Variants in NAALADL2 observed in about 807,000 individuals in gnomAD.
NAALADL2 encodes inactive N-acetylated-alpha-linked acidic dipeptidase-like protein 2.
A neutral mutation model predicts 87.2 loss-of-function variants in NAALADL2; 76 were observed. That is an observed-to-expected ratio of 0.87 (90% CI 0.72 to 1.05). The LOEUF is 1.05. Ranked by LOEUF, NAALADL2 falls within the 50% of genes least tolerant of loss-of-function variation. The pLI, the probability that NAALADL2 is intolerant of heterozygous loss-of-function variation, is 0.00. For missense variants in NAALADL2, 1,089 were observed against 945.8 expected, an observed-to-expected ratio of 1.15 and a Z score of -1.99; for synonymous variants, 354 against 331.0, an observed-to-expected ratio of 1.07 and a Z score of -0.75.
rs568053635 is a variant in NAALADL2, at chr3:175,093,380, G to T, written c.44-3410G>T. On this transcript the variant is annotated intron_variant, in intron 1 of 13. Transcript: ENST00000454872. ...AATGTTACTAAAGTTTTATTTATTT[G>T]ATAGTTTCTTTTTTTGTTGAGTTCA... Among the ~76,000 whole-genome samples, 22 of 137,396 alleles carry T rather than the reference G, an allele frequency of 1.6e-4. No individual in the cohort carries two copies. The East Asian group carries it at 3.5e-3, about 22-fold the overall frequency. The allele number at this position is 137,396 out of a possible 152,430, so 90.1% of individuals were successfully genotyped here. A position where few individuals can be genotyped will look rare whatever the true frequency, so the allele number is the denominator to read the frequency against.
intron 9 of NAALADL2, among the ~76,000 whole-genome samples, chr3:175,487,822 T>C (rs945914075): frequency 6.6e-6 from 1 of 152,318 alleles, no homozygotes; most frequent in African/African-American, 2.4e-5. Context: ...CCAGATATGG[T>C]AAGTAACTTC....
rs768143803 is a variant in NAALADL2 at position 175,809,303 on chromosome 3, C to G, written c.*6100C>G. On this transcript the variant is annotated 3_prime_UTR_variant, in exon 14 of 14. Transcript: ENST00000454872. ...TGTTATAAACAATTCTATTTAGCATCTGAGATAGGTCTATATTAGGCAATT... is the reference window on the plus strand; with the variant it reads ...TGTTATAAACAATTCTATTTAGCATGTGAGATAGGTCTATATTAGGCAATT... 6.6e-6 allele frequency: 1 copy of G among 151,706 alleles called. No homozygotes were observed. Among genetic ancestry groups the G allele is most frequent in the Non-Finnish European group, 1.5e-5 (1 of 67,892 alleles). 9.4% of individuals were successfully genotyped at this position (151,706 alleles called of 1,614,324 possible).
At chr3:174,638,859 A>C (rs1178511398) in intron 2 of NAALADL2, among the ~76,000 whole-genome samples, 2 of 152,222 alleles carry the variant, frequency 1.3e-5, no homozygotes, top group Non-Finnish European at 2.9e-5. Context: ...CCATGTGTAA[A>C]GAACGTGTTT....
chr3:175,485,394 C>G (rs79656298), intron 9 of NAALADL2, among the ~76,000 whole-genome samples: 115 of 152,126 alleles, frequency 7.6e-4, no homozygotes, highest in Admixed American at 6.1e-3. Context: ...TTCACTCACA[C>G]GATCACAAGG....
At chr3:175,305,694 G>C (rs1023288480) in intron 4 of NAALADL2, among the ~76,000 whole-genome samples, 1 of 151,746 alleles carries the variant, frequency 6.6e-6, no homozygotes, top group South Asian at 2.1e-4. Context: ...GGCTAATTTT[G>C]TATTTTTAGT....
chr3:175,411,893 C>G (rs1713591440), intron 5 of NAALADL2, among the ~76,000 whole-genome samples: 1 of 152,024 alleles, frequency 6.6e-6, no homozygotes, highest in Non-Finnish European at 1.5e-5. Context: ...AGATTGCTTG[C>G]AAGATGCCAG....
Position 174,687,467 on chromosome 3 carries a change from C to T in NAALADL2, c.-114-50174C>T, listed in dbSNP as rs138049883. 1.9e-3 allele frequency among the ~76,000 whole-genome samples: 296 copies of T among 152,012 alleles called. 3 individuals carry two copies. Among genetic ancestry groups the T allele is most frequent in the African/African-American group, 6.6e-3 (274 of 41,480 alleles). ...TGGCCTATTGGATTTAGAGGTGATTCGCTTACAATATACTAGGGGATCCAA... is the reference window on the plus strand; with the variant it reads ...TGGCCTATTGGATTTAGAGGTGATTTGCTTACAATATACTAGGGGATCCAA... On this transcript the variant is annotated intron_variant, in intron 2 of 3. Coordinates refer to the NAALADL2 transcript ENST00000434257.
intron 9 of NAALADL2, among the ~76,000 whole-genome samples, chr3:175,568,722 T>G (rs1230177040): frequency 6.6e-6 from 1 of 152,216 alleles, no homozygotes; most frequent in African/African-American, 2.4e-5. Context: ...TCAGTTAAAA[T>G]GCACAGGGTT....
chr3:174,955,311 A>G (rs1185301667), intron 1 of NAALADL2, among the ~76,000 whole-genome samples: 1 of 152,122 alleles, frequency 6.6e-6, no homozygotes, highest in African/African-American at 2.4e-5. Context: ...TTTCACATTC[A>G]GTGCAAAATA....
chr3:174,779,053 C>T (rs952631615), intron 3 of NAALADL2, among the ~76,000 whole-genome samples: 1 of 152,198 alleles, frequency 6.6e-6, no homozygotes, highest in Non-Finnish European at 1.5e-5. Flanking sequence ...GGAATTGCCA[C>T]ACTGTCTTCC....
chr3:174,832,712 CGCCTCA>C (rs1722873020), intron 3 of NAALADL2, among the ~76,000 whole-genome samples: 1 of 152,072 alleles, frequency 6.6e-6, no homozygotes, highest in Non-Finnish European at 1.5e-5. Flanking sequence ...GTGATCCGCC[CGCCTCA>C]GCCTCCCAAA....
intron 4 of NAALADL2, among the ~76,000 whole-genome samples, chr3:175,264,829 A>C (rs1056056766): frequency 1.7e-4 from 26 of 151,746 alleles, no homozygotes; most frequent in African/African-American, 6.3e-4. Flanking sequence ...TAAAAATTAG[A>C]AGTATATTAC....
chr3:175,241,736 T>G (rs1457695774), intron 3 of NAALADL2, among the ~76,000 whole-genome samples: 1 of 152,086 alleles, frequency 6.6e-6, no homozygotes, highest in Admixed American at 6.6e-5. Context: ...GAAATAATAG[T>G]TTTAAAGCAT....
chr3:175,777,189 C>T (rs1750362315), intron 13 of NAALADL2, among the ~76,000 whole-genome samples: 1 of 151,698 alleles, frequency 6.6e-6, no homozygotes, highest in South Asian at 2.1e-4. Context: ...TTTCTGTCAT[C>T]TGTGAGTTTC....
chr3:174,991,171 A>G (rs929658111), intron 1 of NAALADL2, among the ~76,000 whole-genome samples: 2 of 152,166 alleles, frequency 1.3e-5, no homozygotes, highest in African/African-American at 4.8e-5. Flanking sequence ...CTGTATATTT[A>G]GTCTTCATTC....
chr3:175,559,228 T>G (rs970810252), intron 9 of NAALADL2, among the ~76,000 whole-genome samples: 2 of 152,168 alleles, frequency 1.3e-5, no homozygotes, highest in African/African-American at 4.8e-5. Flanking sequence ...TTCAAATTGT[T>G]TGCTGTTGGC....
At chr3:175,640,193 C>A (rs1388220283) in intron 11 of NAALADL2, among the ~76,000 whole-genome samples, 3 of 152,134 alleles carry the variant, frequency 2.0e-5, no homozygotes, top group Non-Finnish European at 4.4e-5. Context: ...TAGTAGGATT[C>A]ATTCTTCCTG....
At chr3:174,629,593 G>A (rs996758672) in intron 2 of NAALADL2, among the ~76,000 whole-genome samples, 13 of 152,270 alleles carry the variant, frequency 8.5e-5, no homozygotes, top group African/African-American at 3.1e-4. Context: ...TTTTAATGAA[G>A]GGTAAAACAT....
At chr3:175,225,853 T>A (rs1165174792) in intron 2 of NAALADL2, among the ~76,000 whole-genome samples, 1 of 152,104 alleles carries the variant, frequency 6.6e-6, no homozygotes, top group Non-Finnish European at 1.5e-5. Context: ...AAATATGCAC[T>A]CACTGTTAAC....
Sources: gnomAD v4.1 joint callset for allele counts (sites outside exome capture counted in the v4.1 genomes callset) on GRCh38, gnomAD v4.1.1 for gene constraint, MANE v1.5 for transcripts, NCBI Gene and HGNC (gene_info 2026-07-23, HGNC 2026-07-21) for gene names.